PREX2: variants seen among roughly 807,000 people sequenced by gnomAD.
The protein encoded by PREX2 is phosphatidylinositol 3,4,5-trisphosphate-dependent Rac exchanger 2 protein.
A neutral mutation model predicts 203.2 loss-of-function variants in PREX2; 107 were observed. That is an observed-to-expected ratio of 0.53 (90% CI 0.45 to 0.62). The LOEUF (loss-of-function observed/expected upper bound fraction) is 0.62. Among genes scored for constraint, PREX2 ranks in the 20% least tolerant of loss-of-function variants. The pLI, the probability that PREX2 is intolerant of heterozygous loss-of-function variation, is 0.00. For synonymous variants in PREX2, 672 were observed against 663.6 expected (o/e 1.01, Z -0.19); for missense variants, 1,777 against 1,955.9 (o/e 0.91, Z 1.72).
intron 14 of PREX2, among the ~76,000 whole-genome samples, chr8:68,073,879 A>G (rs2129611707): frequency 6.6e-6 from 1 of 152,310 alleles, no homozygotes; most frequent in Non-Finnish European, 1.5e-5. Flanking sequence ...GTTCTAGCTC[A>G]GGAAATCAGG....
chr8:68,167,997 C>T (rs1344073294), intron 35 of PREX2, among the ~76,000 whole-genome samples: 2 of 152,182 alleles, frequency 1.3e-5, no homozygotes, highest in Non-Finnish European at 2.9e-5. Context: ...TTCTTATGCA[C>T]ATTCAAATTT....
At chr8:67,983,005 T>C (rs1383296637) in intron 1 of PREX2, among the ~76,000 whole-genome samples, 2 of 152,098 alleles carry the variant, frequency 1.3e-5, no homozygotes, top group Admixed American at 6.5e-5. Context: ...TTGATTTAGT[T>C]GAACCACATT....
intron 33 of PREX2, among the ~76,000 whole-genome samples, chr8:68,142,482 T>G (rs1236735389): frequency 6.6e-6 from 1 of 152,212 alleles, no homozygotes; most frequent in East Asian, 1.9e-4. Flanking sequence ...TCATTTCTTT[T>G]TAGTACAGAA....
chr8:68,069,009 A>T, intron 11 of PREX2, 24 bp from the exon 12 acceptor site: 1 of 971,686 alleles, frequency 1.0e-6, no homozygotes, highest in Non-Finnish European at 1.5e-6. Flanking sequence ...TCGTTATTTT[A>T]ATATAGTATT....
chr8:67,961,405 A>C (rs1316581692), intron 1 of PREX2, among the ~76,000 whole-genome samples: 1 of 152,002 alleles, frequency 6.6e-6, no homozygotes, highest in Admixed American at 6.6e-5. Context: ...TAAAATCAAG[A>C]TCTTTGATTT....
chr8:68,055,803 AC>A (rs756354496), intron 9 of PREX2, 26 bp from the exon 10 acceptor site: 1 of 1,600,854 alleles, frequency 6.2e-7, no homozygotes, highest in Non-Finnish European at 8.5e-7. Context: ...ATTTTCAGTT[AC>A]CTCTCCTTTC....
intron 35 of PREX2, among the ~76,000 whole-genome samples, chr8:68,182,733 C>T (rs1282407428): frequency 2.0e-5 from 3 of 151,892 alleles, no homozygotes; most frequent in African/African-American, 7.3e-5. Context: ...TTCAGGCACT[C>T]ATTGCCTTGC....
chr8:68,189,407 C>T (rs563222599), intron 35 of PREX2, among the ~76,000 whole-genome samples: 2 of 152,264 alleles, frequency 1.3e-5, no homozygotes, highest in South Asian at 2.1e-4. Flanking sequence ...TGCCCCAGCT[C>T]CTGCCCCATT....
intron 37 of PREX2, among the ~76,000 whole-genome samples, chr8:68,207,245 G>T (rs572205366): frequency 1.3e-5 from 2 of 152,162 alleles, no homozygotes; most frequent in South Asian, 4.1e-4. Flanking sequence ...CAAGGCAATG[G>T]TTGTGAAAGA....
Position 68,091,556 on chromosome 8 carries a change from G to C in PREX2, c.2250+841G>C, listed in dbSNP as rs188255340. Among the ~76,000 whole-genome samples, 230 of 152,240 alleles carry C rather than the reference G, an allele frequency of 1.5e-3. 1 individual carries two copies. The highest frequency in any genetic ancestry group is 2.5e-3 in the Non-Finnish European group (171 of 68,012). ...CATTTTCTCATAAGCCAGGGCTGAT[G>C]GCCTGCAAAATGCTGAATCTACATG... is the stretch of plus-strand genomic sequence containing the variant. On this transcript the variant is annotated intron_variant, in intron 20 of 39. Transcript: ENST00000288368.
At chr8:68,051,785 G>T (rs2129611105) in intron 8 of PREX2, among the ~76,000 whole-genome samples, 1 of 152,086 alleles carries the variant, frequency 6.6e-6, no homozygotes, top group Non-Finnish European at 1.5e-5. Context: ...GGAAGTATTG[G>T]CCAGTTTAAA....
chr8:68,217,469 G>A (rs766842404), intron 37 of PREX2, 147 bp from the exon 38 acceptor site: 3 of 599,834 alleles, frequency 5.0e-6, no homozygotes, highest in African/African-American at 3.7e-5. Context: ...TTTTAAACTG[G>A]TATTTTATGT....
intron 35 of PREX2, among the ~76,000 whole-genome samples, chr8:68,189,947 T>C (rs992868776): frequency 3.9e-5 from 6 of 152,238 alleles, no homozygotes; most frequent in Non-Finnish European, 7.3e-5. Flanking sequence ...AATTAGTCTT[T>C]AGAGCTAAAG....
chr8:68,081,667 C>T (rs1809530426), intron 17 of PREX2, among the ~76,000 whole-genome samples: 1 of 152,154 alleles, frequency 6.6e-6, no homozygotes, highest in Non-Finnish European at 1.5e-5. Context: ...ACTATTTTCT[C>T]ATTGGATTAA....
At chr8:68,110,731 C>T (rs11991245) in intron 25 of PREX2, among the ~76,000 whole-genome samples, 23,005 of 152,036 alleles carry the variant, frequency 0.15, 1,764 homozygotes, top group East Asian at 0.28. Context: ...ATAATTGACA[C>T]GATCTCTCAT....
At chr8:67,962,925 A>G (rs779000924) in intron 1 of PREX2, among the ~76,000 whole-genome samples, 1 of 152,294 alleles carries the variant, frequency 6.6e-6, no homozygotes, top group Middle Eastern at 3.4e-3. Context: ...TATATTTTAT[A>G]TATTTACAAA....
chr8:68,019,526 C>G, intron 2 of PREX2, 23 bp from the exon 3 acceptor site: 1 of 1,593,372 alleles, frequency 6.3e-7, no homozygotes, highest in Non-Finnish European at 8.5e-7. Flanking sequence ...ACTGAGCTTA[C>G]TTACACATTT....
At chr8:67,985,672 C>T (rs1806395886) in intron 1 of PREX2, among the ~76,000 whole-genome samples, 1 of 152,074 alleles carries the variant, frequency 6.6e-6, no homozygotes, top group African/African-American at 2.4e-5. Context: ...GCAGAGACTC[C>T]CCAGGAGGGC....
rs1317596393 is a variant in PREX2 at position 68,191,930 on chromosome 8, C to G, written c.4413+142C>G. ...CTAGTCTGTCATGAGACAGTCTCTT[C>G]TTTATTCATTTATTTATTTTTATCA... On this transcript the variant is annotated intron_variant, in intron 36 of 39. Transcript: ENST00000288368. The G allele has an allele frequency of 4.9e-6, 3 of 613,628 alleles. No individual in the cohort carries two copies. In the East Asian group the frequency reaches 8.5e-5, roughly 17 times the overall value. The allele number at this position is 613,628 out of a possible 1,614,324, so 38.0% of individuals were successfully genotyped here.
Sources: gnomAD v4.1 joint callset for allele counts (sites outside exome capture counted in the v4.1 genomes callset) on GRCh38, gnomAD v4.1.1 for gene constraint, MANE v1.5 for transcripts, NCBI Gene and HGNC (gene_info 2026-07-23, HGNC 2026-07-21) for gene names.